ATRNL1: variants seen among roughly 807,000 people sequenced by gnomAD.
ATRNL1 encodes attractin-like protein 1.
ATRNL1 carries 95 observed loss-of-function variants against 182.7 expected under a neutral mutation model. The observed-to-expected ratio is 0.52, with a 90% CI of 0.44 to 0.62. The LOEUF is 0.62. Among genes scored for constraint, ATRNL1 ranks in the 20% least tolerant of loss-of-function variants. ATRNL1 has a pLI of 0.00. For missense variants in ATRNL1, 1,471 were observed against 1,679.5 expected, an observed-to-expected ratio of 0.88 and a Z score of 2.17; for synonymous variants, 576 against 568.3, an observed-to-expected ratio of 1.01 and a Z score of -0.19.
At chr10:115,182,088 TA>T (rs1189121691) in intron 8 of ATRNL1, among the ~76,000 whole-genome samples, 2 of 151,636 alleles carry the variant, frequency 1.3e-5, no homozygotes, top group African/African-American at 4.8e-5. Flanking sequence ...TTTTATTTTT[TA>T]TTATGTTTAT....
At chr10:115,570,633 T>G (rs1359451917) in intron 26 of ATRNL1, among the ~76,000 whole-genome samples, 1 of 152,142 alleles carries the variant, frequency 6.6e-6, no homozygotes, top group African/African-American at 2.4e-5. Flanking sequence ...ATCTGTACTC[T>G]CTGTATTGAC....
At chr10:115,329,037 C>T (rs1855064309) in intron 18 of ATRNL1, among the ~76,000 whole-genome samples, 1 of 151,750 alleles carries the variant, frequency 6.6e-6, no homozygotes, top group South Asian at 2.1e-4. Context: ...TTTTGAGAAA[C>T]CTCCAACTGT....
chr10:115,670,330 G>C (rs1017948426), intron 26 of ATRNL1, among the ~76,000 whole-genome samples: 2 of 152,140 alleles, frequency 1.3e-5, no homozygotes, highest in East Asian at 3.9e-4. Flanking sequence ...AAGCACATTT[G>C]CTCATTTAAT....
chr10:115,595,276 C>T (rs1555013630), intron 26 of ATRNL1, among the ~76,000 whole-genome samples: 1 of 151,718 alleles, frequency 6.6e-6, no homozygotes, highest in African/African-American at 2.4e-5. Context: ...TTCTTTTTAG[C>T]TTTAAAAGGG....
chr10:115,653,094 C>T (rs1208399535), intron 26 of ATRNL1, among the ~76,000 whole-genome samples: 1 of 152,048 alleles, frequency 6.6e-6, no homozygotes, highest in Non-Finnish European at 1.5e-5. Context: ...ATTGAAAAGA[C>T]ACATTTGGCT....
chr10:115,910,683 ACTGGG>A (rs1287734535), intron 28 of ATRNL1, among the ~76,000 whole-genome samples: 7 of 152,136 alleles, frequency 4.6e-5, no homozygotes, highest in Non-Finnish European at 8.8e-5. Flanking sequence ...CATTTCACTC[ACTGGG>A]CTGGGCTGGT....
intron 26 of ATRNL1, among the ~76,000 whole-genome samples, chr10:115,628,534 C>G (rs1475099499): frequency 9.9e-5 from 15 of 151,720 alleles, no homozygotes; most frequent in Admixed American, 9.9e-4. Flanking sequence ...ATTGTCTTTT[C>G]ATTTTCTTTA....
chr10:115,591,694 A>G (rs1212963393), intron 26 of ATRNL1, among the ~76,000 whole-genome samples: 1 of 152,174 alleles, frequency 6.6e-6, no homozygotes, highest in Non-Finnish European at 1.5e-5. Flanking sequence ...ACTTTGGTCC[A>G]AAGAAGGTCC....
intron 18 of ATRNL1, among the ~76,000 whole-genome samples, chr10:115,329,865 C>G (rs573462997): frequency 3.9e-5 from 6 of 152,154 alleles, no homozygotes; most frequent in South Asian, 2.1e-4. Context: ...AATTTAAGCC[C>G]TTTACATTCA....
chr10:115,627,678 A>G (rs1555025059), intron 26 of ATRNL1, among the ~76,000 whole-genome samples: 1 of 152,012 alleles, frequency 6.6e-6, no homozygotes. Flanking sequence ...TTGTATTTTC[A>G]TACCACAATT....
intron 28 of ATRNL1, among the ~76,000 whole-genome samples, chr10:115,854,320 A>C (rs1435651424): frequency 6.6e-6 from 1 of 151,764 alleles, no homozygotes; most frequent in Non-Finnish European, 1.5e-5. Context: ...TCACCTCCCC[A>C]CCTTCTGGAA....
At chr10:115,374,015 T>C (rs909560023) in intron 19 of ATRNL1, among the ~76,000 whole-genome samples, 2 of 151,912 alleles carry the variant, frequency 1.3e-5, no homozygotes, top group Non-Finnish European at 2.9e-5. Context: ...TCTTTGATGG[T>C]AGACTTTTCA....
At chr10:115,311,189 A>T (rs1456394871) in intron 17 of ATRNL1, among the ~76,000 whole-genome samples, 5 of 133,788 alleles carry the variant, frequency 3.7e-5, no homozygotes, top group Non-Finnish European at 7.8e-5. Flanking sequence ...TATGATTTAG[A>T]TTTTTTTTTT....
intron 26 of ATRNL1, among the ~76,000 whole-genome samples, chr10:115,555,930 C>T (rs1853289617): frequency 6.6e-6 from 1 of 151,968 alleles, no homozygotes; most frequent in South Asian, 2.1e-4. Context: ...TATATATTTG[C>T]CCTTTACCTA....
chr10:115,574,015 ACTT>A lies in ATRNL1; in HGVS notation c.3795+24482_3795+24484del, dbSNP rs1451887705. Among the ~76,000 whole-genome samples the A allele has an allele frequency of 2.0e-5, 3 of 152,250 alleles. No homozygotes were observed. The East Asian group carries it at 5.8e-4, about 29-fold the overall frequency. ...GACAGGAAAGAAATGGGTAATCTAA[ACTT>A]CTGTAAACCACTTAAAGCAGAAAAT... On this transcript the variant is annotated intron_variant, in intron 26 of 28. Coordinates refer to ENST00000355044, the MANE Select transcript of ATRNL1 (RefSeq NM_207303.4).
chr10:115,761,454 A>T, intron 27 of ATRNL1, among the ~76,000 whole-genome samples: 1 of 50,898 alleles, frequency 2.0e-5, no homozygotes, highest in South Asian at 1.2e-3. Flanking sequence ...GAGACACAAA[A>T]ATCATAAATA....
chr10:115,844,636 A>T (rs990924377), intron 27 of ATRNL1, among the ~76,000 whole-genome samples: 2 of 152,106 alleles, frequency 1.3e-5, no homozygotes, highest in Non-Finnish European at 2.9e-5. Context: ...GAACAAAAGC[A>T]GTCTTTTTAA....
At chr10:115,768,556 T>C (rs1268852494) in intron 27 of ATRNL1, among the ~76,000 whole-genome samples, 3 of 152,138 alleles carry the variant, frequency 2.0e-5, no homozygotes, top group Non-Finnish European at 2.9e-5. Context: ...CTACTGACTG[T>C]TTTCTTGGTT....
At position 115,093,556 on chromosome 10, in the gene ATRNL1, C is replaced by G. The variant is rs773315544; in HGVS notation, c.-195C>G. On this transcript the variant is annotated 5_prime_UTR_variant, in exon 1 of 29. Transcript: ENST00000355044. This position sits in a 1 kb window ranked among gnomAD's most constrained non-coding sequence, Gnocchi z 6.1. ...GAGACTGGGTGGCGATGCCCGAGTG[C>G]GACTGGAGGCAGCCGAGCGGAGGCG... is the stretch of plus-strand genomic sequence containing the variant. 5.7e-6 allele frequency: 4 copies of G among 702,372 alleles called. No homozygotes were observed. Among genetic ancestry groups the G allele is most frequent in the Non-Finnish European group, 7.6e-6 (3 of 393,862 alleles). 43.5% of individuals were successfully genotyped at this position (702,372 alleles called of 1,614,324 possible).
Sources: allele counts gnomAD v4.1 joint callset (sites outside exome capture counted in the v4.1 genomes callset), GRCh38; gene constraint gnomAD v4.1.1; non-coding constraint Gnocchi (gnomAD v3.1); transcripts MANE v1.5; gene names NCBI Gene and HGNC (gene_info 2026-07-23, HGNC 2026-07-21).